The following CCDC136 variants were observed in gnomAD, a reference collection of about 807,000 sequenced individuals.
The protein encoded by CCDC136 is coiled-coil domain-containing protein 136.
In CCDC136, 100 loss-of-function variants were observed where a neutral mutation model predicts 141.2. The ratio of observed to expected loss-of-function variants is 0.71; its 90% CI spans 0.60 to 0.84. The LOEUF (loss-of-function observed/expected upper bound fraction) is 0.84, where lower values mean the gene tolerates loss of function less well. Ranked by LOEUF, CCDC136 falls within the 40% of genes least tolerant of loss-of-function variation. CCDC136 has a pLI of 0.00. For synonymous variants in CCDC136, 474 were observed against 531.9 expected (o/e 0.89, Z 1.50); for missense variants, 1,206 against 1,379.4 (o/e 0.87, Z 1.99).
chr7:128,808,979 G>C (rs1252263717), intron 10 of CCDC136: 1 of 985,068 alleles, frequency 1.0e-6, no homozygotes, highest in Non-Finnish European at 1.2e-6. Flanking sequence ...TTTAAAGAGA[G>C]AATTAGGAAA....
chr7:128,806,794 G>T lies in CCDC136; in HGVS notation c.1355G>T (p.Cys452Phe). The T allele has an allele frequency of 1.2e-6, 2 of 1,612,286 alleles. No individual in the cohort carries two copies. Among genetic ancestry groups the T allele is most frequent in the South Asian group, 2.2e-5 (2 of 90,946 alleles). Reference sequence around the variant, plus strand: ...CAGCAGCTGCAGGAGGAGCTGCAGTGCCATGAGGCAGAGCTGCAGCACCTC... The same window carrying T: ...CAGCAGCTGCAGGAGGAGCTGCAGTTCCATGAGGCAGAGCTGCAGCACCTC... ...RQQQLQEELQ[C>F]HEAELQHLRD... Residue 452 changes from cysteine to phenylalanine, a missense_variant, in exon 9 of 18, where the codon TGC (cysteine) becomes TTC (phenylalanine). Cys to Phe is a radical substitution (Grantham distance 205). Coordinates refer to ENST00000297788, the MANE Select transcript of CCDC136 (RefSeq NM_022742.5).
intron 4 of CCDC136, 148 bp from the exon 5 acceptor site, chr7:128,804,502 C>A: frequency 3.3e-6 from 2 of 608,014 alleles, no homozygotes; most frequent in East Asian, 6.1e-5. Flanking sequence ...TGGGCCCTGT[C>A]TTCTAAGCCT....
upstream of CCDC136, chr7:128,791,261 C>G (rs924067409): frequency 6.1e-6 from 2 of 328,564 alleles, no homozygotes; most frequent in Admixed American, 4.9e-5. The surrounding 1 kb of genome is among the most constrained non-coding windows in gnomAD (Gnocchi z 7.1). Context: ...AGCCTTGGGG[C>G]GTATCCGGGG....
chr7:128,820,445 C>T (rs1807286892), intron 17 of CCDC136, among the ~76,000 whole-genome samples: 1 of 152,226 alleles, frequency 6.6e-6, no homozygotes, highest in Non-Finnish European at 1.5e-5. Context: ...CATGTAGAAG[C>T]TTGCCTTTGC....
intron 3 of CCDC136, among the ~76,000 whole-genome samples, chr7:128,799,182 A>G (rs540383897): frequency 2.0e-5 from 3 of 147,944 alleles, no homozygotes; most frequent in South Asian, 4.4e-4. Flanking sequence ...TAAAAAAAAA[A>G]AAAAAAAAAA....
chr7:128,806,502 A>G (rs1804857826), intron 8 of CCDC136, 107 bp downstream of exon 8: 15 of 1,174,274 alleles, frequency 1.3e-5, no homozygotes, highest in Non-Finnish European at 1.8e-5. Flanking sequence ...TCCAGCAACC[A>G]CATAGGCAGC....
rs1425143069 is a variant in CCDC136 at position 128,812,057 on chromosome 7, T to A, written c.2286T>A (p.Tyr762Ter). ...VPSNENCRKT[Y>*]DTTVDDNESY... Reference sequence around the variant, plus strand: ...GCAATGAGAACTGTCGCAAGACTTATGATACCACTGTGGATGACAATGAGA... The same window carrying A: ...GCAATGAGAACTGTCGCAAGACTTAAGATACCACTGTGGATGACAATGAGA... Residue 762 changes from tyrosine (Y) to a stop codon, truncating the protein, a stop_gained, in exon 13 of 18, where the codon TAT becomes TAA. Transcript: ENST00000297788. LOFTEE classifies it high-confidence loss of function. 1 of 1,614,044 alleles carries A rather than the reference T, an allele frequency of 6.2e-7. No individual in the cohort carries two copies. The highest frequency in any genetic ancestry group is 8.5e-7 in the Non-Finnish European group (1 of 1,179,892).
intron 16 of CCDC136, among the ~76,000 whole-genome samples, chr7:128,816,186 G>A (rs973028815): frequency 3.3e-4 from 51 of 152,390 alleles, no homozygotes; most frequent in African/African-American, 1.2e-3. Flanking sequence ...CCAGCGTGGG[G>A]TCTCTGGAGT....
chr7:128,806,011 C>G, intron 7 of CCDC136, 110 bp downstream of exon 7: 1 of 1,318,118 alleles, frequency 7.6e-7, no homozygotes, highest in Non-Finnish European at 1.1e-6. Context: ...CTGACTCTTG[C>G]CCTGCAACTG....
intron 1 of CCDC136, among the ~76,000 whole-genome samples, chr7:128,792,906 C>T (rs751830227): frequency 1.3e-5 from 2 of 152,190 alleles, no homozygotes; most frequent in Non-Finnish European, 2.9e-5. Context: ...TAGGAGGGGG[C>T]GCGTGAGGCC....
At position 128,818,000 on chromosome 7, in the gene CCDC136, G is replaced by A; in HGVS notation, c.*5+136G>A. ...TATAATAGGTGATGCTCAGGTCTGAGTTTTAGTTCTGACTTTTCCTTGGGC... is the reference window on the plus strand; with the variant it reads ...TATAATAGGTGATGCTCAGGTCTGAATTTTAGTTCTGACTTTTCCTTGGGC... On this transcript the variant is annotated intron_variant, in intron 17 of 17. Transcript: ENST00000297788. This position sits in a 1 kb window ranked among gnomAD's most constrained non-coding sequence, Gnocchi z 4.6. 1.5e-6 allele frequency: 1 copy of A among 681,556 alleles called. No individual in the cohort carries two copies. Among genetic ancestry groups the A allele is most frequent in the Non-Finnish European group, 2.6e-6 (1 of 385,908 alleles). 42.2% of individuals were successfully genotyped at this position (681,556 alleles called of 1,614,324 possible). A position where few individuals can be genotyped will look rare whatever the true frequency, so the allele number is the denominator to read the frequency against.
In CCDC136 at chr7:128,794,425, GAAC is replaced by G. The variant is rs1252171057; in HGVS notation, c.97_99del (p.Gln33del). The G allele has an allele frequency of 3.9e-6, 6 of 1,553,434 alleles. No individual in the cohort carries two copies. The African/African-American group carries it at 5.5e-5, about 14-fold the overall frequency. ...GGAAGAAGAGGTGGAAGAAGAAGAAGAACAAGTGCAGAAAGGTGGCAGTGTTGG... is the reference window on the plus strand; with the variant it reads ...GGAAGAAGAGGTGGAAGAAGAAGAAGAAGTGCAGAAAGGTGGCAGTGTTGG... On this transcript the variant is annotated inframe_deletion, in exon 2 of 18. Transcript: ENST00000297788. The surrounding 1 kb of genome is among the most constrained non-coding windows in gnomAD (Gnocchi z 4.3).
chr7:128,820,349 G>A (rs1807271937), intron 17 of CCDC136, among the ~76,000 whole-genome samples: 1 of 152,200 alleles, frequency 6.6e-6, no homozygotes, highest in African/African-American at 2.4e-5. Context: ...TGATTCCGGT[G>A]ATTTGTCACT....
chr7:128,805,579 C>A lies in CCDC136; in HGVS notation c.948+55C>A. On this transcript the variant is annotated intron_variant, in intron 6 of 17. Transcript: ENST00000297788. The surrounding 1 kb of genome is among the most constrained non-coding windows in gnomAD (Gnocchi z 4.6). Reference sequence around the variant, plus strand: ...ACATTTCTTGTCTTTCTTTCACCTTCTCCCAGCCTGTGGTAGAAACATCTC... The same window carrying A: ...ACATTTCTTGTCTTTCTTTCACCTTATCCCAGCCTGTGGTAGAAACATCTC... 1 of 1,560,718 alleles carries A rather than the reference C, an allele frequency of 6.4e-7. No homozygotes were observed. Among genetic ancestry groups the A allele is most frequent in the Non-Finnish European group, 8.7e-7 (1 of 1,149,950 alleles).
chr7:128,821,683 CAG>C lies in CCDC136; in HGVS notation c.*6-112_*6-111del, dbSNP rs1347651320. On this transcript the variant is annotated intron_variant, in intron 17 of 17. Transcript: ENST00000297788. This position sits in a 1 kb window ranked among gnomAD's most constrained non-coding sequence, Gnocchi z 5.1. ...CCTCCACCGGTTACCCAGGAGGTAA[CAG>C]AGACTGATCCACAATGTTCCTGAGG... The C allele has an allele frequency of 1.4e-6, 1 of 739,796 alleles. No homozygotes were observed. The highest frequency in any genetic ancestry group is 2.0e-6 in the Non-Finnish European group (1 of 502,912). 45.8% of individuals were successfully genotyped at this position (739,796 alleles called of 1,614,324 possible). A position where few individuals can be genotyped will look rare whatever the true frequency, so the allele number is the denominator to read the frequency against.
In CCDC136 at chr7:128,817,719, T is replaced by A. The variant is rs755351374; in HGVS notation, c.3364-39T>A. ...TGCGTTTATGTCTCACATCTCCTGG[T>A]CTCTCCTCGTGCTTCTTTCTCATTT... On this transcript the variant is annotated intron_variant, in intron 16 of 17. Coordinates refer to ENST00000297788, the MANE Select transcript of CCDC136 (RefSeq NM_022742.5). The surrounding 1 kb of genome is among the most constrained non-coding windows in gnomAD (Gnocchi z 4.6). The A allele has an allele frequency of 3.7e-6, 5 of 1,352,736 alleles. No individual in the cohort carries two copies. Among genetic ancestry groups the A allele is most frequent in the Non-Finnish European group, 4.2e-6 (4 of 941,588 alleles). The allele number at this position is 1,352,736 out of a possible 1,614,324, so 83.8% of individuals were successfully genotyped here. A position where few individuals can be genotyped will look rare whatever the true frequency, so the allele number is the denominator to read the frequency against.
At position 128,801,428 on chromosome 7, in the gene CCDC136, G is replaced by T. The variant is rs765936662; in HGVS notation, c.589G>T (p.Ala197Ser). The T allele has an allele frequency of 9.3e-6, 15 of 1,613,200 alleles. No individual in the cohort carries two copies. Among genetic ancestry groups the T allele is most frequent in the Admixed American group, 3.3e-5 (2 of 59,948 alleles). Reference protein sequence around the residue: ...RIRGDYEMEIASLRAEMEMKS... With the variant: ...RIRGDYEMEISSLRAEMEMKS... ...TCGGGGAGATTATGAGATGGAGATC[G>T]CCTCCCTCCGTGCAGAAATGGAAAT... Residue 197 changes from alanine (A) to serine (S), a missense_variant, in exon 4 of 18, where the codon GCC becomes TCC. By Grantham distance (99) the Ala-to-Ser change is moderately conservative. Transcript: ENST00000297788.
chr7:128,809,325 A>C, intron 10 of CCDC136, 125 bp from the exon 11 acceptor site: 1 of 679,472 alleles, frequency 1.5e-6, no homozygotes, highest in Non-Finnish European at 2.5e-6. Context: ...TGGGGTGACC[A>C]GTCCAAGGTG....
chr7:128,811,516 G>A (rs1805706713), intron 12 of CCDC136, among the ~76,000 whole-genome samples: 2 of 152,160 alleles, frequency 1.3e-5, no homozygotes, highest in African/African-American at 4.8e-5. Context: ...AACCCACTCG[G>A]CACTGCTCCA....
Sources: allele counts gnomAD v4.1 joint callset (sites outside exome capture counted in the v4.1 genomes callset), GRCh38; gene constraint gnomAD v4.1.1; non-coding constraint Gnocchi (gnomAD v3.1); transcripts MANE v1.5; gene names NCBI Gene and HGNC (gene_info 2026-07-23, HGNC 2026-07-21).